NAA15: variants seen among roughly 807,000 people sequenced by gnomAD.
NAA15 encodes the protein N-alpha-acetyltransferase 15, NatA auxiliary subunit, also known as N-terminal acetyltransferase.
NAA15 carries 34 observed loss-of-function variants against 114.0 expected under a neutral mutation model. The observed-to-expected ratio is 0.30, with a 90% CI of 0.23 to 0.40. The LOEUF (loss-of-function observed/expected upper bound fraction) is 0.40, where lower values mean the gene tolerates loss of function less well. NAA15 is among the 10% of genes least tolerant of loss of function. The pLI, the probability that NAA15 is intolerant of heterozygous loss-of-function variation, is 1.00. For synonymous variants in NAA15, 340 were observed against 338.0 expected (o/e 1.01, Z -0.06); for missense variants, 658 against 1,004.5 (o/e 0.66, Z 4.66).
intron 15 of NAA15, among the ~76,000 whole-genome samples, chr4:139,373,542 C>T (rs1050848937): frequency 2.0e-5 from 3 of 152,144 alleles, no homozygotes; most frequent in African/African-American, 4.8e-5. Context: ...GGTCAGTATT[C>T]AGTGAACTTG....
chr4:139,302,017 G>A, intron 1 of NAA15, 186 bp downstream of exon 1: 1 of 545,252 alleles, frequency 1.8e-6, no homozygotes, highest in South Asian at 3.2e-5. Context: ...GCGCGCCAGG[G>A]ACCACAGGCT....
chr4:139,346,581 A>C (rs1579111231), intron 6 of NAA15, among the ~76,000 whole-genome samples: 1 of 149,012 alleles, frequency 6.7e-6, no homozygotes, highest in East Asian at 2.0e-4. Context: ...ATGGAGTTTC[A>C]CTCTTGTTTC....
chr4:139,386,285 A>G (rs192856740), intron 19 of NAA15, 55 bp downstream of exon 19: 2 of 1,003,778 alleles, frequency 2.0e-6, no homozygotes, highest in Admixed American at 4.1e-5. Context: ...TTTTTCACCA[A>G]GAGAAATAAT....
chr4:139,382,460 C>T (rs914518265), intron 17 of NAA15, among the ~76,000 whole-genome samples: 3 of 152,000 alleles, frequency 2.0e-5, no homozygotes, highest in Non-Finnish European at 4.4e-5. Flanking sequence ...AACCCCTTGC[C>T]TACCCCTCTC....
chr4:139,302,989 TC>T (rs1295976279), intron 1 of NAA15, among the ~76,000 whole-genome samples: 1 of 152,204 alleles, frequency 6.6e-6, no homozygotes, highest in African/African-American at 2.4e-5. Flanking sequence ...GTTAGCCTTT[TC>T]CCCCGCAGTT....
intron 9 of NAA15, among the ~76,000 whole-genome samples, chr4:139,352,511 A>G (rs1244828731): frequency 6.6e-6 from 1 of 152,146 alleles, no homozygotes; most frequent in East Asian, 1.9e-4. Flanking sequence ...TGAAGAGTCA[A>G]AGATGGAGCA....
chr4:139,341,621 A>G (rs1157559288), intron 4 of NAA15, among the ~76,000 whole-genome samples: 3 of 149,454 alleles, frequency 2.0e-5, no homozygotes, highest in Non-Finnish European at 4.5e-5. Flanking sequence ...AAAAAAAAAG[A>G]AAATCAGTAC....
intron 6 of NAA15, among the ~76,000 whole-genome samples, chr4:139,347,632 A>T (rs1324246114): frequency 6.6e-6 from 1 of 152,120 alleles, no homozygotes; most frequent in Non-Finnish European, 1.5e-5. Flanking sequence ...ACAGAATGAG[A>T]TCCTGTCTTC....
At chr4:139,378,723 G>T in intron 16 of NAA15, 33 bp from the exon 17 acceptor site, 1 of 1,422,048 alleles carries the variant, frequency 7.0e-7, no homozygotes, top group South Asian at 1.3e-5. Context: ...CTTATCCAAT[G>T]ATCAAAATAT....
chr4:139,317,757 T>G (rs1197420144), intron 1 of NAA15, among the ~76,000 whole-genome samples: 1 of 152,224 alleles, frequency 6.6e-6, no homozygotes, highest in Non-Finnish European at 1.5e-5. Flanking sequence ...TTTGTATAAT[T>G]GGATAATTGG....
intron 1 of NAA15, among the ~76,000 whole-genome samples, chr4:139,331,690 C>T (rs1747010555): frequency 6.7e-6 from 1 of 148,450 alleles, no homozygotes; most frequent in African/African-American, 2.5e-5. Flanking sequence ...GTCTCGAACT[C>T]TTGACCTTAA....
intron 10 of NAA15, among the ~76,000 whole-genome samples, chr4:139,356,806 T>G (rs1011488000): frequency 8.5e-5 from 13 of 152,146 alleles, no homozygotes; most frequent in Admixed American, 8.5e-4. Context: ...ATAAAAATTT[T>G]TTTACTTGTC....
Position 139,315,041 on chromosome 4 carries a change from G to GTTTAGTTTAGT in NAA15, c.54+13212_54+13213insTAGTTTAGTTT, listed in dbSNP as rs1560952979. On this transcript the variant is annotated intron_variant, in intron 1 of 19. Transcript: ENST00000296543. ...GTTAGGTTAGGTTAGGTTAGGTTAG[G>GTTTAGTTTAGT]TTAGGTTAGGTTAGTTTAGTTTAGT... Among the ~76,000 whole-genome samples the GTTTAGTTTAGT allele has an allele frequency of 6.5e-4, 63 of 96,576 alleles. 1 individual carries two copies. Among genetic ancestry groups the GTTTAGTTTAGT allele is most frequent in the Middle Eastern group, 4.5e-3 (1 of 220 alleles). 63.4% of individuals were successfully genotyped at this position (96,576 alleles called of 152,430 possible).
chr4:139,340,867 A>G (rs1207970607), intron 3 of NAA15, 45 bp from the exon 4 acceptor site: 1 of 1,422,334 alleles, frequency 7.0e-7, no homozygotes, highest in Non-Finnish European at 9.3e-7. Context: ...CGTTTGGAAT[A>G]GTAATTTTTG....
intron 14 of NAA15, 109 bp downstream of exon 14, chr4:139,362,046 GATATT>G: frequency 1.6e-6 from 1 of 640,238 alleles, no homozygotes; most frequent in Non-Finnish European, 2.5e-6. Flanking sequence ...CACGAGGAAA[GATATT>G]ATACAAGGTT....
At position 139,357,381 on chromosome 4, in the gene NAA15, C is replaced by G; in HGVS notation, c.1088-5C>G. On this transcript the variant is annotated splice_polypyrimidine_tract_variant and splice_region_variant and intron_variant, in intron 10 of 19. Transcript: ENST00000296543. ...ATCTTGGTTTCTTCTCCCTCTTCTC[C>G]TAAGATGATGGAAAGGAGGAACCAC... 6.2e-7 allele frequency: 1 copy of G among 1,613,396 alleles called. No individual in the cohort carries two copies. Among genetic ancestry groups the G allele is most frequent in the Non-Finnish European group, 8.5e-7 (1 of 1,179,654 alleles).
At chr4:139,348,881 C>T (rs1747687933) in intron 6 of NAA15, among the ~76,000 whole-genome samples, 1 of 152,160 alleles carries the variant, frequency 6.6e-6, no homozygotes, top group Admixed American at 6.5e-5. Flanking sequence ...AGTGAGTCGA[C>T]AAGTTGCTGA....
intron 17 of NAA15, among the ~76,000 whole-genome samples, chr4:139,381,588 GT>G (rs1181629824): frequency 1.3e-5 from 2 of 151,286 alleles, no homozygotes; most frequent in African/African-American, 2.4e-5. Flanking sequence ...TTTAAGCTTT[GT>G]TTAATTTTCT....
At position 139,334,183 on chromosome 4, in the gene NAA15, G is replaced by A. The variant is rs1205604098; in HGVS notation, c.64G>A (p.Glu22Lys). Residue 22 changes from glutamate to lysine, a missense_variant, in exon 2 of 20, where the codon GAA becomes AAA. This residue lies in a region of NAA15 where 2 missense variants were observed against 18.2 expected (regional missense o/e 0.11). Coordinates refer to ENST00000296543, the MANE Select transcript of NAA15 (RefSeq NM_057175.5). ...ALFKRILRCYEHKQYRNGLKF... is the reference protein window; with the variant it reads ...ALFKRILRCYKHKQYRNGLKF... ...TTTTTTGTTTTGACAGAGGTGTTAT[G>A]AACATAAACAGTATAGAAATGGATT... 6.3e-7 allele frequency: 1 copy of A among 1,585,394 alleles called. No homozygotes were observed. The highest frequency in any genetic ancestry group is 1.4e-5 in the African/African-American group (1 of 73,380).
Sources: allele counts gnomAD v4.1 joint callset (sites outside exome capture counted in the v4.1 genomes callset), GRCh38; gene constraint gnomAD v4.1.1; regional missense constraint gnomAD v4.1.1; transcripts MANE v1.5; gene names NCBI Gene and HGNC (gene_info 2026-07-23, HGNC 2026-07-21).